Variants in CCDC86 observed in about 807,000 individuals in gnomAD.
CCDC86 encodes the protein coiled-coil domain-containing protein 86.
In CCDC86, 28 loss-of-function variants were observed where a neutral mutation model predicts 36.7. That is an observed-to-expected ratio of 0.76 (90% CI 0.57 to 1.05). The LOEUF is 1.05. Among genes scored for constraint, CCDC86 ranks in the 50% least tolerant of loss-of-function variants. The pLI is 0.00. For missense variants in CCDC86, 453 were observed against 470.2 expected (o/e 0.96, Z 0.34); for synonymous variants, 199 against 203.4 (o/e 0.98, Z 0.18).
At chr11:60,846,678 G>A (rs1370369447) in intron 1 of CCDC86, among the ~76,000 whole-genome samples, 5 of 151,874 alleles carry the variant, frequency 3.3e-5, no homozygotes, top group Non-Finnish European at 7.4e-5. Context: ...GGGTTCAAGC[G>A]ATTCTCCTGC....
chr11:60,848,109 G>A lies in CCDC86; in HGVS notation c.888+56G>A. Reference sequence around the variant, plus strand: ...TCAGAGGACTAAGCTAGTGTCTACTGGTACAGACCTGAGGCGAGGGCCTCC... The same window carrying A: ...TCAGAGGACTAAGCTAGTGTCTACTAGTACAGACCTGAGGCGAGGGCCTCC... On this transcript the variant is annotated intron_variant, in intron 2 of 3. Transcript: ENST00000227520. 3 of 1,579,278 alleles carry A rather than the reference G, an allele frequency of 1.9e-6. No individual in the cohort carries two copies. In the South Asian group the frequency reaches 3.4e-5, roughly 18 times the overall value.
At chr11:60,845,109 C>G (rs1855167020) in intron 1 of CCDC86, among the ~76,000 whole-genome samples, 1 of 152,178 alleles carries the variant, frequency 6.6e-6, no homozygotes, top group African/African-American at 2.4e-5. Flanking sequence ...GGGCAGAGAT[C>G]TGGGGAAACA....
rs2134797660 is a variant in CCDC86, at chr11:60,842,857, G to A, written c.733G>A (p.Val245Met). ...GAAGGGGAAGCCCAAATCGGGGCGA[G>A]TGTGGAAGGACCGCTCCAAGAAAAG... is the stretch of plus-strand genomic sequence containing the variant. ...IPKGKPKSGR[V>M]WKDRSKKRFS... Residue 245 changes from valine to methionine, a missense_variant, in exon 1 of 4, where the codon GTG (valine) becomes ATG (methionine). Transcript: ENST00000227520. 1 of 1,580,840 alleles carries A rather than the reference G, an allele frequency of 6.3e-7. No homozygotes were observed. Among genetic ancestry groups the A allele is most frequent in the South Asian group, 1.2e-5 (1 of 86,402 alleles).
rs150541231 is a variant in CCDC86 at position 60,843,014 on chromosome 11, G to C, written c.758+132G>C. 2.2e-5 allele frequency: 27 copies of C among 1,221,090 alleles called. No homozygotes were observed. The African/African-American group carries it at 3.6e-4, about 17-fold the overall frequency. 75.6% of individuals were successfully genotyped at this position (1,221,090 alleles called of 1,614,324 possible). On this transcript the variant is annotated intron_variant, in intron 1 of 3. Transcript: ENST00000227520. ...ACGTTAGTGGGGATGTTAGCAAACA[G>C]GTAATTACAATCAGAATGTGGTAAA...
chr11:60,850,285 T>C lies in CCDC86; in HGVS notation c.1043T>C (p.Leu348Pro). Residue 348 changes from leucine (L) to proline (P), a missense_variant, in exon 4 of 4, where the codon CTG becomes CCG. Transcript: ENST00000227520. The stretch of plus-strand genomic sequence containing the variant: ...GAGAAGCGGGACACCCTGGCCCTGC[T>C]GCAGAAGCAGCCGCCCCAGCAGCCG... ...SIEKRDTLAL[L>P]QKQPPQQPAA... 1 of 1,614,134 alleles carries C rather than the reference T, an allele frequency of 6.2e-7. No homozygotes were observed. The highest frequency in any genetic ancestry group is 8.5e-7 in the Non-Finnish European group (1 of 1,179,988).
chr11:60,844,940 G>A (rs952814265), intron 1 of CCDC86, among the ~76,000 whole-genome samples: 2 of 152,228 alleles, frequency 1.3e-5, no homozygotes, highest in Admixed American at 1.3e-4. Flanking sequence ...CTAAATGTGG[G>A]AAACAGATAA....
chr11:60,843,950 T>C (rs1035372243), intron 1 of CCDC86, among the ~76,000 whole-genome samples: 5 of 152,158 alleles, frequency 3.3e-5, no homozygotes, highest in Admixed American at 6.5e-5. Context: ...AAGTCTCCCA[T>C]GGGAGAGACT....
In CCDC86 at chr11:60,842,397, C is replaced by T. The variant is rs1855130631; in HGVS notation, c.273C>T (p.Ser91=). The stretch of plus-strand genomic sequence containing the variant: ...GGCAGCCAGAGCCAGGCGCAGCGTC[C>T]CCCCAGCGTCAGCAAGACCTACACC... ...PQGQPEPGAA[S]PQRQQDLHLE... The change falls in exon 1 of 4, where the codon TCC becomes TCT. Residue 91 remains serine (S), a synonymous_variant. Transcript: ENST00000227520. 3.1e-6 allele frequency: 5 copies of T among 1,613,204 alleles called. No homozygotes were observed. The East Asian group carries it at 1.1e-4, about 36-fold the overall frequency.
intron 2 of CCDC86, 33 bp from the exon 3 acceptor site, chr11:60,849,907 C>G: frequency 1.3e-6 from 2 of 1,597,350 alleles, no homozygotes; most frequent in African/African-American, 2.7e-5. Flanking sequence ...CCTCTGCTCC[C>G]CGACTCAAAT....
At position 60,850,571 on chromosome 11, in the gene CCDC86, C is replaced by T; in HGVS notation, c.*246C>T. The T allele has an allele frequency of 3.9e-6, 2 of 514,466 alleles. No homozygotes were observed. The highest frequency in any genetic ancestry group is 3.0e-5 in the South Asian group (1 of 33,812). 31.9% of individuals were successfully genotyped at this position (514,466 alleles called of 1,614,324 possible). ...GGGAAGAGATTCAGCTCCCATCCCT[C>T]CTTCCTCTCCTTCTCCAAGTGCCTT... is the stretch of plus-strand genomic sequence containing the variant. On this transcript the variant is annotated 3_prime_UTR_variant, in exon 4 of 4. Coordinates refer to ENST00000227520, the MANE Select transcript of CCDC86 (RefSeq NM_024098.4).
In CCDC86 at chr11:60,846,831, C is replaced by T. The variant is rs557986491; in HGVS notation, c.759-1093C>T. On this transcript the variant is annotated intron_variant, in intron 1 of 3. Coordinates refer to ENST00000227520, the MANE Select transcript of CCDC86 (RefSeq NM_024098.4). ...TTAGGTGATCGGCCCACCTCAGCCTCCCAAAGTGCTGGGATTACAGGCGTG... is the reference window on the plus strand; with the variant it reads ...TTAGGTGATCGGCCCACCTCAGCCTTCCAAAGTGCTGGGATTACAGGCGTG... Among the ~76,000 whole-genome samples, 185 of 152,242 alleles carry T rather than the reference C, an allele frequency of 1.2e-3. 3 individuals are homozygous for T. Among genetic ancestry groups the T allele is most frequent in the African/African-American group, 4.2e-3 (174 of 41,564 alleles).
chr11:60,844,485 C>T (rs1446151911), intron 1 of CCDC86, among the ~76,000 whole-genome samples: 2 of 152,152 alleles, frequency 1.3e-5, no homozygotes, highest in African/African-American at 2.4e-5. Context: ...CCTTCCTCAG[C>T]GCCTTCACAC....
In CCDC86 at chr11:60,842,587, C is replaced by G. The variant is rs768272331; in HGVS notation, c.463C>G (p.Pro155Ala). ...LTPGAPQHQL[P>A]PVPGSPEPYP... ...CCCGGGGGCCCCCCAGCATCAGCTA[C>G]CGCCGGTCCCAGGATCACCAGAGCC... Residue 155 changes from proline to alanine, a missense_variant, in exon 1 of 4, where the codon CCG becomes GCG. Coordinates refer to ENST00000227520, the MANE Select transcript of CCDC86 (RefSeq NM_024098.4). 1 of 1,613,396 alleles carries G rather than the reference C, an allele frequency of 6.2e-7. No homozygotes were observed.
chr11:60,848,134 C>G (rs1003473633), intron 2 of CCDC86, 81 bp downstream of exon 2: 50 of 1,500,098 alleles, frequency 3.3e-5, no homozygotes, highest in Non-Finnish European at 4.5e-5. Context: ...CGAGGGCCTC[C>G]ACGGGTGCCT....
Position 60,842,257 on chromosome 11 carries a change from C to T in CCDC86, c.133C>T (p.Pro45Ser). 6.2e-7 allele frequency: 1 copy of T among 1,613,410 alleles called. No individual in the cohort carries two copies. Among genetic ancestry groups the T allele is most frequent in the Non-Finnish European group, 8.5e-7 (1 of 1,179,918 alleles). Reference sequence around the variant, plus strand: ...GTCGAACCCAGAAGAAACGAGGGAGCCCGGGTCTCCTCCGAGTGTGCAGCG... The same window carrying T: ...GTCGAACCCAGAAGAAACGAGGGAGTCCGGGTCTCCTCCGAGTGTGCAGCG... Reference protein sequence around the residue: ...FESNPEETREPGSPPSVQRAG... With the variant: ...FESNPEETRESGSPPSVQRAG... The change falls in exon 1 of 4, where the codon CCC becomes TCC. Residue 45 changes from proline (P) to serine (S), a missense_variant. By Grantham distance (74) the Pro-to-Ser change is moderately conservative. Transcript: ENST00000227520.
chr11:60,850,047 G>A (rs199572216), intron 3 of CCDC86, 33 bp downstream of exon 3: 753 of 1,611,752 alleles, frequency 4.7e-4, no homozygotes, highest in Non-Finnish European at 5.7e-4. Context: ...CTGCCCTTCT[G>A]CCCCACTTGG....
intron 1 of CCDC86, 30 bp downstream of exon 1, chr11:60,842,912 G>A: frequency 1.3e-6 from 2 of 1,536,498 alleles, no homozygotes; most frequent in South Asian, 2.6e-5. Flanking sequence ...GGACAGGGGT[G>A]GCGTTCTCTA....
chr11:60,842,570 C>T lies in CCDC86; in HGVS notation c.446C>T (p.Ala149Val). The T allele has an allele frequency of 2.5e-6, 4 of 1,612,826 alleles. No homozygotes were observed. The highest frequency in any genetic ancestry group is 3.4e-6 in the Non-Finnish European group (4 of 1,179,502). ...AQNKEELTPG[A>V]PQHQLPPVPG... is the part of the protein sequence containing the mutation. ...AATAAGGAGGAGCTGACCCCGGGGG[C>T]CCCCCAGCATCAGCTACCGCCGGTC... The change falls in exon 1 of 4, where the codon GCC becomes GTC. Residue 149 changes from alanine (A) to valine (V), a missense_variant. Coordinates refer to ENST00000227520, the MANE Select transcript of CCDC86 (RefSeq NM_024098.4).
At chr11:60,849,567 G>A (rs1855228230) in intron 2 of CCDC86, among the ~76,000 whole-genome samples, 1 of 152,226 alleles carries the variant, frequency 6.6e-6, no homozygotes, top group Admixed American at 6.5e-5. Context: ...CTGTCGGAGA[G>A]GGTGGGAATG....
Sources: gnomAD v4.1 joint callset for allele counts (sites outside exome capture counted in the v4.1 genomes callset) on GRCh38, gnomAD v4.1.1 for gene constraint, MANE v1.5 for transcripts, NCBI Gene and HGNC (gene_info 2026-07-23, HGNC 2026-07-21) for gene names.